Variants in CIB1 observed in about 807,000 individuals in gnomAD.
CIB1 encodes calcium and integrin-binding protein 1.
Under a neutral mutation model 25.0 loss-of-function variants are expected in CIB1, and 19 were observed. The ratio of observed to expected loss-of-function variants is 0.76; its 90% CI spans 0.53 to 1.12. The LOEUF (loss-of-function observed/expected upper bound fraction) is 1.12, where lower values mean the gene tolerates loss of function less well. CIB1 is among the 50% of genes most tolerant of loss of function. The pLI is 0.00. For missense variants in CIB1, 236 were observed against 242.6 expected (o/e 0.97, Z 0.18); for synonymous variants, 104 against 98.5 (o/e 1.06, Z -0.33).
rs1596173480 is a variant in CIB1, at chr15:90,233,854, T to A, written c.32A>T (p.Glu11Val). MGGSGSRLSK[E>V]LLAEYQDLTF... ...GCGCACCTGGTACTCGGCCAGCAGC[T>A]CCTTGGACAGGCGACTGCCCGAGCC... Residue 11 changes from glutamate (E) to valine (V), a missense_variant, in exon 1 of 7, where the codon GAG becomes GTG. Transcript: ENST00000328649. 2 of 1,525,422 alleles carry A rather than the reference T, an allele frequency of 1.3e-6. No homozygotes were observed. Among genetic ancestry groups the A allele is most frequent in the East Asian group, 2.5e-5 (1 of 40,698 alleles). 94.5% of individuals were successfully genotyped at this position (1,525,422 alleles called of 1,614,324 possible). A position where few individuals can be genotyped will look rare whatever the true frequency, so the allele number is the denominator to read the frequency against.
the CIB1 span, among the ~76,000 whole-genome samples, chr15:90,251,280 A>ATTTTTTCT: frequency 9.1e-6 from 1 of 109,518 alleles, no homozygotes; most frequent in African/African-American, 3.6e-5. Flanking sequence ...CGCATGGCAA[A>ATTTTTTCT]TTTTTTTTTT....
the CIB1 span, among the ~76,000 whole-genome samples, chr15:90,246,709 A>G: frequency 2.1e-5 from 3 of 141,550 alleles, no homozygotes; most frequent in African/African-American, 5.2e-5. Context: ...AATCACTTGA[A>G]CCCGGGAGGC....
chr15:90,257,085 T>C, the CIB1 span: 1 of 1,554,712 alleles, frequency 6.4e-7, no homozygotes, highest in South Asian at 1.2e-5. Context: ...GAACAGCACA[T>C]AGTAGGCACT....
At chr15:90,233,383 G>C (rs1962550236) in intron 2 of CIB1, among the ~76,000 whole-genome samples, 1 of 152,264 alleles carries the variant, frequency 6.6e-6, no homozygotes, top group Admixed American at 6.5e-5. Context: ...CTGCCGGACT[G>C]GGGCAGGAAG....
At chr15:90,255,133 T>G in the CIB1 span, among the ~76,000 whole-genome samples, 14 of 152,242 alleles carry the variant, frequency 9.2e-5, no homozygotes, top group Admixed American at 1.3e-4. Context: ...CAGGGTATTC[T>G]TTTCCAACGG....
At chr15:90,243,710 A>C in the CIB1 span, 6 of 123,128 alleles carry the variant, frequency 4.9e-5, no homozygotes, top group Non-Finnish European at 1.6e-5. Flanking sequence ...GTGCAGTGGT[A>C]TGAAGACAGC....
At chr15:90,253,516 A>G in the CIB1 span, 35 of 514,420 alleles carry the variant, frequency 6.8e-5, no homozygotes, top group South Asian at 9.4e-4. Flanking sequence ...TTCTTTTCCA[A>G]TGGAAAGATC....
chr15:90,230,833 TTCTC>T (rs1962461303), intron 6 of CIB1, 97 bp downstream of exon 6: 1 of 1,084,690 alleles, frequency 9.2e-7, no homozygotes, highest in Non-Finnish European at 1.4e-6. Flanking sequence ...GACTGGGGCT[TTCTC>T]TCACCCTGGC....
At chr15:90,239,936 G>C in the CIB1 span, among the ~76,000 whole-genome samples, 1 of 151,982 alleles carries the variant, frequency 6.6e-6, no homozygotes, top group South Asian at 2.1e-4. Flanking sequence ...AAATAAAATA[G>C]GCCGTGGCTG....
chr15:90,231,438 C>T lies in CIB1; in HGVS notation c.265G>A (p.Glu89Lys). The T allele has an allele frequency of 6.2e-7, 1 of 1,614,244 alleles. No homozygotes were observed. The highest frequency in any genetic ancestry group is 8.5e-7 in the Non-Finnish European group (1 of 1,180,044). Residue 89 changes from glutamate (E) to lysine (K), a missense_variant, in exon 4 of 7, where the codon GAG (glutamate) becomes AAG (lysine). Physicochemically the swap from Glu to Lys is moderately conservative, Grantham distance 56. Coordinates refer to ENST00000328649, the MANE Select transcript of CIB1 (RefSeq NM_006384.4). Reference sequence around the variant, plus strand: ...ACACTGAGGAGATCCAGGAAGTCCTCAAAGCTAAGGCTGTCTTTGGCTGGG... The same window carrying T: ...ACACTGAGGAGATCCAGGAAGTCCTTAAAGCTAAGGCTGTCTTTGGCTGGG... ...TSPAKDSLSF[E>K]DFLDLLSVFS... is the part of the protein sequence containing the mutation.
At chr15:90,256,609 CCTTCCT>C in the CIB1 span, among the ~76,000 whole-genome samples, 1 of 40,502 alleles carries the variant, frequency 2.5e-5, no homozygotes, top group African/African-American at 1.3e-4. Context: ...TTCTTTCTTT[CCTTCCT>C]TCCTTCCTTC....
upstream of CIB1, among the ~76,000 whole-genome samples, chr15:90,237,424 G>A (rs1013180698): frequency 4.0e-5 from 6 of 151,278 alleles, no homozygotes; most frequent in East Asian, 1.9e-4. Context: ...TGGGACTACA[G>A]GTGTGTGCCC....
the CIB1 span, chr15:90,263,860 C>A: frequency 1.1e-6 from 1 of 892,352 alleles, no homozygotes; most frequent in Non-Finnish European, 1.8e-6. Context: ...GCATCCAGTT[C>A]TGCCCCATGA....
chr15:90,263,977 G>T, the CIB1 span: 2 of 1,536,058 alleles, frequency 1.3e-6, no homozygotes, highest in African/African-American at 2.7e-5. Flanking sequence ...AGGAGAGCCG[G>T]CAGCCATCAA....
At chr15:90,246,998 C>T in the CIB1 span, among the ~76,000 whole-genome samples, 2 of 149,292 alleles carry the variant, frequency 1.3e-5, no homozygotes, top group African/African-American at 2.5e-5. Context: ...TCTTTTGAGA[C>T]GGAGTCTCAC....
At chr15:90,253,138 C>T in the CIB1 span, 12 of 695,752 alleles carry the variant, frequency 1.7e-5, no homozygotes, top group African/African-American at 2.1e-4. Flanking sequence ...AACTACCTCC[C>T]TCTTCAACCT....
At chr15:90,251,011 T>C in the CIB1 span, 6,857 of 1,290,660 alleles carry the variant, frequency 5.3e-3, 311 homozygotes, top group African/African-American at 0.09. Context: ...GGACAGGAAA[T>C]GCTGGAGTGT....
At chr15:90,253,428 C>G in the CIB1 span, 5 of 1,311,170 alleles carry the variant, frequency 3.8e-6, no homozygotes, top group Non-Finnish European at 5.3e-6. Flanking sequence ...CTATTCCCAC[C>G]TCCTTGCCCA....
At chr15:90,265,717 C>A in the CIB1 span, 1 of 1,613,194 alleles carries the variant, frequency 6.2e-7, no homozygotes, top group South Asian at 1.1e-5. Context: ...GTCGACATGG[C>A]GGTTACCCTG....
Sources: gnomAD v4.1 joint callset for allele counts (sites outside exome capture counted in the v4.1 genomes callset) on GRCh38, gnomAD v4.1.1 for gene constraint, MANE v1.5 for transcripts, NCBI Gene and HGNC (gene_info 2026-07-23, HGNC 2026-07-21) for gene names.